RMST: variants seen among roughly 807,000 people sequenced by gnomAD.
RMST encodes rhabdomyosarcoma 2 associated transcript.
intron 11 of RMST, among the ~76,000 whole-genome samples, chr12:97,558,988 G>T (rs991760514): frequency 5.3e-5 from 8 of 152,020 alleles, no homozygotes; most frequent in African/African-American, 1.7e-4. Flanking sequence ...TGAAAATTTG[G>T]TCTGCATCTC....
intron 11 of RMST, among the ~76,000 whole-genome samples, chr12:97,558,358 G>A (rs1204767282): frequency 6.6e-6 from 1 of 152,162 alleles, no homozygotes; most frequent in Non-Finnish European, 1.5e-5. Flanking sequence ...AACACAGGTG[G>A]CAGAGTATGG....
At chr12:97,472,747 T>C (rs752986829) in intron 5 of RMST, among the ~76,000 whole-genome samples, 4 of 152,148 alleles carry the variant, frequency 2.6e-5, no homozygotes, top group South Asian at 2.1e-4. Flanking sequence ...GGTTTGGAAA[T>C]GTAATTTTTC....
chr12:97,481,969 A>G (rs528181811), intron 5 of RMST, among the ~76,000 whole-genome samples: 1 of 152,316 alleles, frequency 6.6e-6, no homozygotes, highest in African/African-American at 2.4e-5. Context: ...ATTTACAAAC[A>G]TTGTTTGTAA....
At chr12:97,464,975 G>A (rs1873006163) in intron 4 of RMST, 3 of 152,214 alleles carry the variant, frequency 2.0e-5, no homozygotes, top group Admixed American at 1.3e-4. Context: ...ACTGAAACTT[G>A]GAGCAAAGTG....
chr12:97,548,658 A>G (rs1883109591), intron 11 of RMST, among the ~76,000 whole-genome samples: 1 of 152,018 alleles, frequency 6.6e-6, no homozygotes, highest in Non-Finnish European at 1.5e-5. Flanking sequence ...ATAGTTTATT[A>G]TTAGTTTATA....
chr12:97,488,756 C>G (rs1236021090), intron 5 of RMST, among the ~76,000 whole-genome samples: 3 of 152,134 alleles, frequency 2.0e-5, no homozygotes, highest in African/African-American at 7.2e-5. Context: ...TCAATCCGTT[C>G]CGTTTTCTTT....
At chr12:97,496,739 G>A (rs1302246883) in intron 10 of RMST, among the ~76,000 whole-genome samples, 1 of 152,096 alleles carries the variant, frequency 6.6e-6, no homozygotes, top group Non-Finnish European at 1.5e-5. Context: ...AAAAACATTA[G>A]CCCTGCTCCC....
At chr12:97,554,109 T>A (rs1166199371) in intron 11 of RMST, among the ~76,000 whole-genome samples, 1 of 151,830 alleles carries the variant, frequency 6.6e-6, no homozygotes, top group East Asian at 1.9e-4. Context: ...CATGTGCCAT[T>A]ACACCCAGCT....
chr12:97,549,299 T>C (rs1008685259), intron 11 of RMST, among the ~76,000 whole-genome samples: 3 of 152,344 alleles, frequency 2.0e-5, no homozygotes, highest in South Asian at 2.1e-4. Context: ...ATGTATTCAC[T>C]TAATTCATCA....
At chr12:97,517,667 C>T (rs1219964093) in intron 10 of RMST, among the ~76,000 whole-genome samples, 1 of 152,014 alleles carries the variant, frequency 6.6e-6, no homozygotes, top group East Asian at 1.9e-4. Context: ...CCATACTACA[C>T]ATGCACTTTG....
intron 10 of RMST, among the ~76,000 whole-genome samples, chr12:97,501,641 T>C (rs1030355137): frequency 6.6e-6 from 1 of 152,132 alleles, no homozygotes; most frequent in Non-Finnish European, 1.5e-5. Context: ...GTCACCTGCC[T>C]CTCCTTGCTG....
intron 10 of RMST, among the ~76,000 whole-genome samples, chr12:97,517,710 A>G (rs1880079043): frequency 6.6e-6 from 1 of 151,962 alleles, no homozygotes; most frequent in Non-Finnish European, 1.5e-5. Context: ...GTTCTTGTAA[A>G]TTGTCTCACA....
rs1275781136 is a variant in RMST, at chr12:97,557,590, G to A, written n.1546-2947G>A. On this transcript the variant is annotated intron_variant and non_coding_transcript_variant, in intron 11 of 13. Coordinates refer to ENST00000640149, the Ensembl canonical transcript of RMST. ...CTCTTTCCCATTTCTGAGATATATC[G>A]TCTTTGCTTCAGAACCTGGAGGTAA... Among the ~76,000 whole-genome samples, 4 of 151,944 alleles carry A rather than the reference G, an allele frequency of 2.6e-5. No individual in the cohort carries two copies. The East Asian group carries it at 7.7e-4, about 29-fold the overall frequency.
intron 11 of RMST, among the ~76,000 whole-genome samples, chr12:97,537,194 A>G (rs1882139988): frequency 6.6e-6 from 1 of 151,480 alleles, no homozygotes; most frequent in Admixed American, 6.6e-5. Flanking sequence ...GAGATGCTAG[A>G]CAAGATGGAA....
At chr12:97,480,983 C>G (rs1565918618) in intron 5 of RMST, among the ~76,000 whole-genome samples, 1 of 152,134 alleles carries the variant, frequency 6.6e-6, no homozygotes, top group African/African-American at 2.4e-5. Context: ...TTTATGTTAA[C>G]CTGAGCTATA....
chr12:97,509,090 G>C (rs1204689015), intron 10 of RMST, among the ~76,000 whole-genome samples: 2 of 152,158 alleles, frequency 1.3e-5, no homozygotes, highest in Non-Finnish European at 2.9e-5. Flanking sequence ...CTTTGACTAG[G>C]ATTTTAACCA....
At chr12:97,542,872 T>G (rs1191989868) in intron 11 of RMST, among the ~76,000 whole-genome samples, 1 of 151,978 alleles carries the variant, frequency 6.6e-6, no homozygotes, top group Non-Finnish European at 1.5e-5. Flanking sequence ...GTCTTTTATG[T>G]TCTGTGGCCT....
At chr12:97,474,484 G>A (rs1328414632) in intron 5 of RMST, among the ~76,000 whole-genome samples, 1 of 151,966 alleles carries the variant, frequency 6.6e-6, no homozygotes, top group African/African-American at 2.4e-5. Flanking sequence ...ATTCTTCAAT[G>A]GAATTTCTTC....
Position 97,524,081 on chromosome 12 carries a change from A to G in RMST, n.1341-6574A>G, listed in dbSNP as rs1370393770. On this transcript the variant is annotated intron_variant and non_coding_transcript_variant, in intron 10 of 13. Coordinates refer to ENST00000640149, the Ensembl canonical transcript of RMST. ...ACAGAGTGAGACTCTGTCTCAAAAA[A>G]AAAAAAAAAAAAAAAAAAAAAATCA... Among the ~76,000 whole-genome samples the G allele has an allele frequency of 1.7e-3, 237 of 138,896 alleles. 24 individuals are homozygous for G. Among genetic ancestry groups the G allele is most frequent in the Middle Eastern group, 7.2e-3 (2 of 276 alleles). The allele number at this position is 138,896 out of a possible 152,430, so 91.1% of individuals were successfully genotyped here.
Sources: gnomAD v4.1 joint callset for allele counts (sites outside exome capture counted in the v4.1 genomes callset) on GRCh38, gnomAD v4.1.1 for gene constraint, MANE v1.5 for transcripts, NCBI Gene and HGNC (gene_info 2026-07-23, HGNC 2026-07-21) for gene names.